The following KCNB2 variants were observed in gnomAD, a reference collection of about 807,000 sequenced individuals.
KCNB2 encodes the protein delayed rectifier potassium channel protein.
KCNB2 carries 15 observed loss-of-function variants against 61.5 expected under a neutral mutation model. The ratio of observed to expected loss-of-function variants is 0.24; its 90% CI spans 0.16 to 0.38. The LOEUF (loss-of-function observed/expected upper bound fraction) is 0.38. KCNB2 is among the 10% of genes least tolerant of loss of function. The pLI is 1.00. For missense variants in KCNB2, 828 were observed against 1,125.2 expected (o/e 0.74, Z 3.78); for synonymous variants, 457 against 446.0 (o/e 1.02, Z -0.31).
At chr8:72,554,400 A>G (rs1563521244) in intron 1 of KCNB2, among the ~76,000 whole-genome samples, 2 of 152,164 alleles carry the variant, frequency 1.3e-5, no homozygotes, top group South Asian at 4.1e-4. Context: ...TAGAAATTAT[A>G]GACTTATGTT....
chr8:72,854,719 G>A (rs1423314736), intron 2 of KCNB2, among the ~76,000 whole-genome samples: 3 of 152,054 alleles, frequency 2.0e-5, no homozygotes, highest in African/African-American at 7.2e-5. Context: ...TCGTTAAGCT[G>A]ACATTGGAGA....
At chr8:72,541,793 C>T (rs1158719019) in intron 1 of KCNB2, among the ~76,000 whole-genome samples, 2 of 152,068 alleles carry the variant, frequency 1.3e-5, no homozygotes, top group African/African-American at 2.4e-5. Context: ...CTGGCTGATG[C>T]AGATGATCTC....
intron 2 of KCNB2, among the ~76,000 whole-genome samples, chr8:72,812,381 TC>T (rs1260871572): frequency 6.6e-6 from 1 of 152,206 alleles, no homozygotes; most frequent in African/African-American, 2.4e-5. Context: ...ACTTGTAATT[TC>T]TTTTTCTGGT....
chr8:72,733,778 T>A (rs1048035460), intron 2 of KCNB2, among the ~76,000 whole-genome samples: 2 of 152,056 alleles, frequency 1.3e-5, no homozygotes, highest in African/African-American at 4.8e-5. Context: ...ATTTTTGATG[T>A]AGCCCCCCGT....
intron 1 of KCNB2, among the ~76,000 whole-genome samples, chr8:72,551,814 C>T (rs1213752632): frequency 1.3e-5 from 2 of 152,194 alleles, no homozygotes; most frequent in African/African-American, 4.8e-5. Flanking sequence ...GGGACTGCTG[C>T]TTTCATGCAC....
chr8:72,746,912 C>A (rs534679920), intron 2 of KCNB2, among the ~76,000 whole-genome samples: 7 of 152,316 alleles, frequency 4.6e-5, no homozygotes, highest in Admixed American at 2.0e-4. Context: ...CCCCTTCTCA[C>A]TATTCCAGTT....
At chr8:72,847,813 G>A (rs747002820) in intron 2 of KCNB2, among the ~76,000 whole-genome samples, 5 of 152,168 alleles carry the variant, frequency 3.3e-5, no homozygotes, top group African/African-American at 4.8e-5. Context: ...AAATGGTTGA[G>A]AGACTCACTA....
intron 2 of KCNB2, among the ~76,000 whole-genome samples, chr8:72,789,814 G>C (rs1225759958): frequency 6.6e-6 from 1 of 152,100 alleles, no homozygotes; most frequent in Non-Finnish European, 1.5e-5. Context: ...AAGAATACCA[G>C]TTCACCACTA....
In KCNB2 at chr8:72,809,692, C is replaced by T. The variant is rs555488998; in HGVS notation, c.580-126243C>T. ...TAAGAATGCCTCTTACTATGGAAGC[C>T]CCAAAGATCCCAAATGCTCTCAGTT... On this transcript the variant is annotated intron_variant, in intron 2 of 2. Transcript: ENST00000523207. Among the ~76,000 whole-genome samples, 27 of 152,178 alleles carry T rather than the reference C, an allele frequency of 1.8e-4. No homozygotes were observed. In the South Asian group the frequency reaches 5.4e-3, roughly 30 times the overall value.
intron 2 of KCNB2, among the ~76,000 whole-genome samples, chr8:72,811,309 A>G: frequency 6.6e-6 from 1 of 151,938 alleles, no homozygotes; most frequent in East Asian, 1.9e-4. Context: ...TTTGAAGTTT[A>G]TCTCCAAAAA....
chr8:72,677,885 A>T (rs1397219669), intron 2 of KCNB2, among the ~76,000 whole-genome samples: 1 of 152,208 alleles, frequency 6.6e-6, no homozygotes, highest in South Asian at 2.1e-4. Context: ...TAAAACATCC[A>T]GTCCTCCTGG....
intron 2 of KCNB2, among the ~76,000 whole-genome samples, chr8:72,572,605 A>G (rs1234670241): frequency 6.6e-6 from 1 of 150,782 alleles, no homozygotes; most frequent in East Asian, 1.9e-4. Flanking sequence ...ACACACACAG[A>G]CACACACACA....
At chr8:72,743,696 A>AT (rs1439137997) in intron 2 of KCNB2, among the ~76,000 whole-genome samples, 1 of 152,104 alleles carries the variant, frequency 6.6e-6, no homozygotes, top group Non-Finnish European at 1.5e-5. Context: ...AACCAATGGT[A>AT]TTTTTTCTGT....
chr8:72,641,792 C>T (rs779452848), intron 2 of KCNB2, among the ~76,000 whole-genome samples: 1 of 152,078 alleles, frequency 6.6e-6, no homozygotes, highest in Non-Finnish European at 1.5e-5. Flanking sequence ...ACCTCATAGG[C>T]TAGTCGTGAG....
chr8:72,900,546 A>G (rs905683061), intron 2 of KCNB2, among the ~76,000 whole-genome samples: 2 of 152,196 alleles, frequency 1.3e-5, no homozygotes, highest in African/African-American at 4.8e-5. Context: ...AACTATCAGC[A>G]GAATAAACAG....
intron 2 of KCNB2, among the ~76,000 whole-genome samples, chr8:72,725,521 A>G (rs548455063): frequency 0.078 from 3,521 of 45,134 alleles, 101 homozygotes; most frequent in South Asian, 0.16. Flanking sequence ...ATATATATAT[A>G]TATATATATA....
chr8:72,687,642 T>A (rs1806872832), intron 2 of KCNB2, among the ~76,000 whole-genome samples: 1 of 152,224 alleles, frequency 6.6e-6, no homozygotes, highest in African/African-American at 2.4e-5. Context: ...TTGTTTCAAA[T>A]AGTTAAAGAA....
chr8:72,600,459 G>A (rs1480372073), intron 2 of KCNB2, among the ~76,000 whole-genome samples: 1 of 152,056 alleles, frequency 6.6e-6, no homozygotes, highest in Non-Finnish European at 1.5e-5. Flanking sequence ...GCGGGGAGAG[G>A]GGAGGGATAG....
chr8:72,661,701 G>A (rs1806383910), intron 2 of KCNB2, among the ~76,000 whole-genome samples: 1 of 152,120 alleles, frequency 6.6e-6, no homozygotes, highest in African/African-American at 2.4e-5. Context: ...TATATTTGAA[G>A]GCTGTTTTAG....
Sources: gnomAD v4.1 joint callset for allele counts (sites outside exome capture counted in the v4.1 genomes callset) on GRCh38, gnomAD v4.1.1 for gene constraint, MANE v1.5 for transcripts, NCBI Gene and HGNC (gene_info 2026-07-23, HGNC 2026-07-21) for gene names.